Variants in CARD19 observed in about 807,000 individuals in gnomAD.
CARD19 encodes caspase recruitment domain-containing protein 19.
CARD19 carries 25 observed loss-of-function variants against 24.1 expected under a neutral mutation model. The observed-to-expected ratio is 1.04, with a 90% CI of 0.76 to 1.45. CARD19 has a LOEUF of 1.45. Among genes scored for constraint, CARD19 ranks in the 40% most tolerant of loss-of-function variants. The pLI is 0.00. For missense variants in CARD19, 241 were observed against 247.4 expected, an observed-to-expected ratio of 0.97 and a Z score of 0.17; for synonymous variants, 103 against 104.9, an observed-to-expected ratio of 0.98 and a Z score of 0.11.
In CARD19 at chr9:93,113,249, A is replaced by G; in HGVS notation, c.*142A>G. Reference sequence around the variant, plus strand: ...GTAAAAAACACACCTTCACCTTACAAGGTGCTGACCATATTAAATGTTCAG... The same window carrying G: ...GTAAAAAACACACCTTCACCTTACAGGGTGCTGACCATATTAAATGTTCAG... On this transcript the variant is annotated 3_prime_UTR_variant, in exon 6 of 6. Transcript: ENST00000375464. 1 of 586,062 alleles carries G rather than the reference A, an allele frequency of 1.7e-6. No individual in the cohort carries two copies. Among genetic ancestry groups the G allele is most frequent in the South Asian group, 2.2e-5 (1 of 45,548 alleles). The allele number at this position is 586,062 out of a possible 1,614,324, so 36.3% of individuals were successfully genotyped here.
intron 3 of CARD19, chr9:93,110,930 C>T: frequency 6.5e-7 from 1 of 1,531,992 alleles, no homozygotes; most frequent in Non-Finnish European, 8.7e-7. Flanking sequence ...AGATGTTGGT[C>T]TCTGTCTCCC....
At position 93,107,810 on chromosome 9, in the gene CARD19, G is replaced by T; in HGVS notation, c.144G>T (p.Ala48=). 6.2e-7 allele frequency: 1 copy of T among 1,614,230 alleles called. No homozygotes were observed. Among genetic ancestry groups the T allele is most frequent in the African/African-American group, 1.3e-5 (1 of 75,068 alleles). The part of the protein sequence containing the change: ...YYPQILTNKE[A]EKFRNPKASL... ...CACAGATCCTTACCAACAAGGAGGC[G>T]GAAAAGGTGCTGAGGAGGTGAGGGG... is the stretch of plus-strand genomic sequence containing the variant. The change falls in exon 2 of 6, where the codon GCG becomes GCT. Residue 48 remains alanine (A), a synonymous_variant. Coordinates refer to ENST00000375464, the MANE Select transcript of CARD19 (RefSeq NM_032310.5).
At chr9:93,106,004 A>G (rs191123768) in intron 1 of CARD19, among the ~76,000 whole-genome samples, 1 of 152,338 alleles carries the variant, frequency 6.6e-6, no homozygotes, top group Admixed American at 6.5e-5. Flanking sequence ...TATTTGGTGC[A>G]TATATGTTTA....
At chr9:93,105,087 A>G (rs997662738) in intron 1 of CARD19, among the ~76,000 whole-genome samples, 4 of 151,886 alleles carry the variant, frequency 2.6e-5, no homozygotes, top group Non-Finnish European at 5.9e-5. Flanking sequence ...TTTTTTTAAT[A>G]TATGCATTTG....
Position 93,111,919 on chromosome 9 carries a change from C to G in CARD19, c.345C>G (p.Ser115Arg), listed in dbSNP as rs751005146. The G allele has an allele frequency of 1.9e-6, 3 of 1,611,550 alleles. No homozygotes were observed. In the East Asian group the frequency reaches 6.7e-5, roughly 36 times the overall value. ...DCTELDSGSQ[S>R]GELSNRGPMS... is the part of the protein sequence containing the mutation. Reference sequence around the variant, plus strand: ...CAGAGCTAGACTCGGGCAGCCAGAGCGGCGAGCTGAGTAACAGGGGTAACA... The same window carrying G: ...CAGAGCTAGACTCGGGCAGCCAGAGGGGCGAGCTGAGTAACAGGGGTAACA... The change falls in exon 4 of 6, where the codon AGC becomes AGG. Residue 115 changes from serine (S) to arginine (R), a missense_variant. Transcript: ENST00000375464.
intron 1 of CARD19, among the ~76,000 whole-genome samples, chr9:93,101,169 C>T (rs1225390646): frequency 6.6e-6 from 1 of 152,056 alleles, no homozygotes; most frequent in East Asian, 1.9e-4. Flanking sequence ...CCTCCGCCTC[C>T]TGGGTTCAAG....
chr9:93,110,870 GA>G, intron 3 of CARD19, 149 bp downstream of exon 3: 7 of 1,533,376 alleles, frequency 4.6e-6, no homozygotes, highest in Non-Finnish European at 5.2e-6. Flanking sequence ...CCCCTCCCCA[GA>G]GGCCACCCTC....
At chr9:93,097,966 G>A (rs1286318121) in intron 1 of CARD19, among the ~76,000 whole-genome samples, 1 of 152,372 alleles carries the variant, frequency 6.6e-6, no homozygotes, top group East Asian at 1.9e-4. Flanking sequence ...ACAGCCCTGC[G>A]AGGCTGCAGA....
At chr9:93,101,275 C>G (rs893135376) in intron 1 of CARD19, among the ~76,000 whole-genome samples, 1 of 152,164 alleles carries the variant, frequency 6.6e-6, no homozygotes, top group South Asian at 2.1e-4. Flanking sequence ...GACGGGGCTT[C>G]GCCATGTTGG....
At chr9:93,112,010 A>C (rs1827510921) in intron 4 of CARD19, 72 bp downstream of exon 4, 7 of 1,540,012 alleles carry the variant, frequency 4.5e-6, no homozygotes, top group African/African-American at 2.8e-5. Flanking sequence ...CCAGGGCTCC[A>C]TCTCCGCCTC....
intron 3 of CARD19, chr9:93,111,073 A>G (rs552554437): frequency 2.2e-6 from 3 of 1,339,432 alleles, no homozygotes; most frequent in African/African-American, 2.9e-5. Context: ...GTGGACAGCA[A>G]CCTTGTTCCC....
intron 1 of CARD19, among the ~76,000 whole-genome samples, chr9:93,106,560 T>G (rs4384040): frequency 0.76 from 110,288 of 146,060 alleles, 43,600 homozygotes; most frequent in Non-Finnish European, 0.88. Context: ...AGAGCAAGAC[T>G]CTATCTCAAA....
chr9:93,110,140 C>G lies in CARD19; in HGVS notation c.151-428C>G, dbSNP rs139995120. On this transcript the variant is annotated intron_variant, in intron 2 of 5. Coordinates refer to ENST00000375464, the MANE Select transcript of CARD19 (RefSeq NM_032310.5). Reference sequence around the variant, plus strand: ...TCCCGAGTAGCTGGGACTACAGGTGCCCACCACCACACCCGGCTAAGTTTT... The same window carrying G: ...TCCCGAGTAGCTGGGACTACAGGTGGCCACCACCACACCCGGCTAAGTTTT... 2.9e-3 allele frequency: 491 copies of G among 166,512 alleles called. 3 individuals are homozygous for G. Among genetic ancestry groups the G allele is most frequent in the African/African-American group, 0.011 (471 of 41,922 alleles). 10.3% of individuals were successfully genotyped at this position (166,512 alleles called of 1,614,324 possible). A position where few individuals can be genotyped will look rare whatever the true frequency, so the allele number is the denominator to read the frequency against.
chr9:93,104,150 T>C lies in CARD19; in HGVS notation c.8-3524T>C, dbSNP rs1377155775. 2.0e-5 allele frequency among the ~76,000 whole-genome samples: 3 copies of C among 152,268 alleles called. 1 individual carries two copies. The highest frequency in any genetic ancestry group is 2.0e-4 in the Admixed American group (3 of 15,288). Reference sequence around the variant, plus strand: ...TTGATTTGTACATGTTAAACCATCCTTGTATTCCAGGAATAAATCAATGTA... The same window carrying C: ...TTGATTTGTACATGTTAAACCATCCCTGTATTCCAGGAATAAATCAATGTA... On this transcript the variant is annotated intron_variant, in intron 1 of 5. Transcript: ENST00000375464.
chr9:93,107,374 A>C (rs1425807304), intron 1 of CARD19, among the ~76,000 whole-genome samples: 2 of 152,242 alleles, frequency 1.3e-5, no homozygotes, highest in East Asian at 3.8e-4. Flanking sequence ...CAGGTGGCCC[A>C]TGAAAAGTAG....
At chr9:93,102,004 C>G (rs1165498934) in intron 1 of CARD19, among the ~76,000 whole-genome samples, 1 of 150,718 alleles carries the variant, frequency 6.6e-6, no homozygotes, top group Non-Finnish European at 1.5e-5. Flanking sequence ...CTCTGTTTCC[C>G]AGACTGGAGT....
At chr9:93,112,152 C>A in intron 4 of CARD19, 66 bp from the exon 5 acceptor site, 1 of 1,490,868 alleles carries the variant, frequency 6.7e-7, no homozygotes, top group Non-Finnish European at 9.1e-7. Flanking sequence ...CTGCGCAGCC[C>A]CCAGGCCTCA....
At chr9:93,107,958 T>A in intron 2 of CARD19, 142 bp downstream of exon 2, 1 of 1,145,986 alleles carries the variant, frequency 8.7e-7, no homozygotes, top group Non-Finnish European at 1.2e-6. Flanking sequence ...GTGACACATC[T>A]GGACCTGGCT....
intron 5 of CARD19, 37 bp from the exon 6 acceptor site, chr9:93,112,955 T>A (rs1446224580): frequency 6.9e-7 from 1 of 1,456,852 alleles, no homozygotes; most frequent in Non-Finnish European, 9.5e-7. Context: ...CCTCTGGGAC[T>A]GGTTCTTGAG....
Sources: gnomAD v4.1 joint callset for allele counts (sites outside exome capture counted in the v4.1 genomes callset) on GRCh38, gnomAD v4.1.1 for gene constraint, MANE v1.5 for transcripts, NCBI Gene and HGNC (gene_info 2026-07-23, HGNC 2026-07-21) for gene names.